The following NRXN3 variants were observed in gnomAD, a reference collection of about 807,000 sequenced individuals.
NRXN3 encodes neurexin 3.
Under a neutral mutation model 137.6 loss-of-function variants are expected in NRXN3, and 32 were observed. That is an observed-to-expected ratio of 0.23 (90% CI 0.18 to 0.31). The LOEUF is 0.31. NRXN3 is among the 10% of genes least tolerant of loss of function. The probability of loss-of-function intolerance (pLI) is 1.00; values close to 1 mark genes in which losing one functional copy is unlikely to be tolerated. For synonymous variants in NRXN3, 798 were observed against 784.5 expected (o/e 1.02, Z -0.29); for missense variants, 1,574 against 2,062.5 (o/e 0.76, Z 4.59).
intron 16 of NRXN3, among the ~76,000 whole-genome samples, chr14:79,530,410 A>G (rs981011022): frequency 1.5e-4 from 23 of 152,026 alleles, no homozygotes; most frequent in Non-Finnish European, 1.6e-4. Flanking sequence ...AGGGGTGGCT[A>G]TGGGGATGGG....
At chr14:78,786,833 G>A (rs922220434) in intron 8 of NRXN3, among the ~76,000 whole-genome samples, 8 of 152,034 alleles carry the variant, frequency 5.3e-5, no homozygotes, top group African/African-American at 1.9e-4. Context: ...TCCAAATAAG[G>A]ACAGTAAAAA....
At chr14:78,390,349 G>C (rs1007385725) in intron 4 of NRXN3, among the ~76,000 whole-genome samples, 1 of 152,124 alleles carries the variant, frequency 6.6e-6, no homozygotes, top group African/African-American at 2.4e-5. Flanking sequence ...TTGAGTAGTT[G>C]TGTTAAAGAC....
At chr14:78,353,364 C>T (rs532711023) in intron 4 of NRXN3, among the ~76,000 whole-genome samples, 2 of 152,196 alleles carry the variant, frequency 1.3e-5, no homozygotes, top group African/African-American at 4.8e-5. Flanking sequence ...CTGGAAAGTC[C>T]AAGATCAAGG....
At chr14:78,320,250 C>T (rs1357738325) in intron 4 of NRXN3, among the ~76,000 whole-genome samples, 1 of 152,160 alleles carries the variant, frequency 6.6e-6, no homozygotes, top group Non-Finnish European at 1.5e-5. Flanking sequence ...GGGGTTTCTT[C>T]ACCGGGATTT....
intron 10 of NRXN3, among the ~76,000 whole-genome samples, chr14:78,935,513 C>G (rs1484372986): frequency 6.6e-6 from 1 of 152,180 alleles, no homozygotes; most frequent in Non-Finnish European, 1.5e-5. Flanking sequence ...GTAAAATCAT[C>G]TCTAGATTAC....
intron 10 of NRXN3, among the ~76,000 whole-genome samples, chr14:78,910,723 C>T (rs995964939): frequency 3.3e-5 from 5 of 152,100 alleles, no homozygotes; most frequent in African/African-American, 1.2e-4. Flanking sequence ...TAGCTTTCTC[C>T]CTCTGCTGAA....
In NRXN3 at chr14:78,351,887, AT is replaced by A. The variant is rs554915051; in HGVS notation, c.757+54028del. Among the ~76,000 whole-genome samples the A allele has an allele frequency of 2.5e-4, 38 of 151,682 alleles. 2 individuals are homozygous for A. In the South Asian group the frequency reaches 7.9e-3, roughly 32 times the overall value. On this transcript the variant is annotated intron_variant, in intron 4 of 20. Transcript: ENST00000335750. The stretch of plus-strand genomic sequence containing the variant: ...TATTTTTTATGCCTTATTAAAAAAA[AT>A]CTCCTCCTATTTCGGTGTCATAAAC...
intron 16 of NRXN3, among the ~76,000 whole-genome samples, chr14:79,580,542 G>T (rs185568683): frequency 6.6e-6 from 1 of 151,646 alleles, no homozygotes; most frequent in Non-Finnish European, 1.5e-5. Context: ...GGCTGGGACT[G>T]CCCATGCATT....
At chr14:78,724,458 G>A (rs1345169889) in intron 8 of NRXN3, among the ~76,000 whole-genome samples, 1 of 152,154 alleles carries the variant, frequency 6.6e-6, no homozygotes, top group Non-Finnish European at 1.5e-5. Context: ...TAGAATAGAT[G>A]CTCAGATACT....
intron 6 of NRXN3, among the ~76,000 whole-genome samples, chr14:78,683,154 T>G (rs1032169775): frequency 6.6e-6 from 1 of 152,210 alleles, no homozygotes; most frequent in Non-Finnish European, 1.5e-5. Context: ...GTTGATTATA[T>G]GTTGAAATGA....
chr14:79,019,585 C>G (rs535688202), intron 15 of NRXN3, among the ~76,000 whole-genome samples: 13 of 152,180 alleles, frequency 8.5e-5, no homozygotes, highest in Admixed American at 2.6e-4. Context: ...GAATTATGTC[C>G]GTGCTCGGGT....
At chr14:78,299,195 T>C (rs2076638877) in intron 4 of NRXN3, among the ~76,000 whole-genome samples, 1 of 152,124 alleles carries the variant, frequency 6.6e-6, no homozygotes, top group Admixed American at 6.5e-5. Context: ...TCAGGTGACT[T>C]CTCTAGTATT....
intron 10 of NRXN3, among the ~76,000 whole-genome samples, chr14:78,940,112 C>T (rs929646186): frequency 2.0e-5 from 3 of 152,204 alleles, no homozygotes; most frequent in African/African-American, 4.8e-5. Flanking sequence ...TCTTTAGACT[C>T]ATTTCCTACC....
At chr14:78,273,103 T>C (rs977198059) in intron 2 of NRXN3, among the ~76,000 whole-genome samples, 1 of 152,208 alleles carries the variant, frequency 6.6e-6, no homozygotes, top group African/African-American at 2.4e-5. Flanking sequence ...TTAATAAATA[T>C]GAGCTTTATT....
chr14:79,327,637 G>A (rs190955481), intron 15 of NRXN3, among the ~76,000 whole-genome samples: 103 of 152,308 alleles, frequency 6.8e-4, no homozygotes, highest in African/African-American at 2.3e-3. Context: ...TGTGTCCCAT[G>A]AAGTCTACTC....
intron 4 of NRXN3, among the ~76,000 whole-genome samples, chr14:78,454,078 A>C (rs1172310766): frequency 1.3e-5 from 2 of 152,320 alleles, no homozygotes; most frequent in South Asian, 4.1e-4. Flanking sequence ...TCCTTCTTTC[A>C]GTAAATATTA....
chr14:79,827,549 C>T (rs2099308819), intron 20 of NRXN3, among the ~76,000 whole-genome samples: 2 of 152,082 alleles, frequency 1.3e-5, no homozygotes, highest in Admixed American at 1.3e-4. Context: ...TTAATTCGCT[C>T]AGAGTTCTGC....
chr14:78,278,878 TATA>T (rs1294678888), intron 3 of NRXN3, among the ~76,000 whole-genome samples: 2 of 152,262 alleles, frequency 1.3e-5, no homozygotes, highest in Non-Finnish European at 1.5e-5. Context: ...TCATACTTAA[TATA>T]ATCACTTCCT....
intron 15 of NRXN3, among the ~76,000 whole-genome samples, chr14:79,354,389 T>C (rs2093344106): frequency 6.6e-6 from 1 of 152,192 alleles, no homozygotes; most frequent in African/African-American, 2.4e-5. Context: ...ACACTATAAA[T>C]GTATCACCAA....
Sources: allele counts gnomAD v4.1 joint callset (sites outside exome capture counted in the v4.1 genomes callset), GRCh38; gene constraint gnomAD v4.1.1; transcripts MANE v1.5; gene names NCBI Gene and HGNC (gene_info 2026-07-23, HGNC 2026-07-21).